The following DNAH17 variants were observed in gnomAD, a reference collection of about 807,000 sequenced individuals.
DNAH17 encodes the protein dynein axonemal heavy chain 17, also known as axonemal beta dynein heavy chain 17.
In DNAH17, 376 loss-of-function variants were observed where a neutral mutation model predicts 485.6. The observed-to-expected ratio is 0.77, with a 90% CI of 0.71 to 0.84. DNAH17 has a LOEUF of 0.84. Ranked by LOEUF, DNAH17 falls within the 40% of genes least tolerant of loss-of-function variation. The pLI, the probability that DNAH17 is intolerant of heterozygous loss-of-function variation, is 0.00. For missense variants in DNAH17, 6,370 were observed against 5,839.3 expected (o/e 1.09, Z -2.96); for synonymous variants, 3,031 against 2,405.9 (o/e 1.26, Z -7.60).
At chr17:78,450,113 C>CCT in intron 68 of DNAH17, 141 bp downstream of exon 68, 1 of 1,010,444 alleles carries the variant, frequency 9.9e-7, no homozygotes, top group Non-Finnish European at 1.4e-6. Context: ...TCTTCCAGCT[C>CCT]CATCTGCAGG....
intron 14 of DNAH17, 141 bp from the exon 15 acceptor site, chr17:78,552,946 C>A (rs543635736): frequency 1.5e-5 from 10 of 656,100 alleles, no homozygotes; most frequent in African/African-American, 1.2e-4. Flanking sequence ...GAATTGTAAT[C>A]CCCAGTGTTG....
chr17:78,569,954 G>A (rs576092679), intron 7 of DNAH17, among the ~76,000 whole-genome samples: 1 of 152,334 alleles, frequency 6.6e-6, no homozygotes, highest in South Asian at 2.1e-4. Context: ...TTTGATGTGC[G>A]ATTAGAGAAG....
chr17:78,455,728 G>C lies in DNAH17; in HGVS notation c.10086C>G (p.Phe3362Leu). The change falls in exon 63 of 81, where the codon TTC becomes TTG. Residue 3362 changes from phenylalanine to leucine, a missense_variant. Transcript: ENST00000389840. ...LCGDVLLISA[F>L]VSYVGYFTKK... is the part of the protein sequence containing the mutation. ...TGGTGAAGTAGCCCACGTAGGACAC[G>C]AAGGCAGAGATGAGCAGGACGTCCC... is the stretch of plus-strand genomic sequence containing the variant. 1 of 1,611,034 alleles carries C rather than the reference G, an allele frequency of 6.2e-7. No individual in the cohort carries two copies. The highest frequency in any genetic ancestry group is 1.1e-5 in the South Asian group (1 of 90,218).
At chr17:78,537,627 A>G (rs1598668024) in intron 18 of DNAH17, 146 bp from the exon 19 acceptor site, 5 of 993,172 alleles carry the variant, frequency 5.0e-6, no homozygotes, top group Non-Finnish European at 7.4e-6. Flanking sequence ...GTCTCAGCGC[A>G]CCCCGCTCCT....
intron 69 of DNAH17, 144 bp from the exon 70 acceptor site, chr17:78,445,824 T>A (rs2087264781): frequency 1.2e-6 from 1 of 859,648 alleles, no homozygotes; most frequent in Non-Finnish European, 1.8e-6. Context: ...GGGGTAAAGT[T>A]TTGTCTTCAC....
At chr17:78,436,234 G>A (rs1253889270) in intron 74 of DNAH17, among the ~76,000 whole-genome samples, 1 of 151,920 alleles carries the variant, frequency 6.6e-6, no homozygotes, top group Non-Finnish European at 1.5e-5. Flanking sequence ...TAAGGCCAGC[G>A]TGGCCAACAT....
chr17:78,543,774 T>A, intron 17 of DNAH17, 83 bp downstream of exon 17: 1 of 1,593,660 alleles, frequency 6.3e-7, no homozygotes, highest in Non-Finnish European at 8.6e-7. Flanking sequence ...ATCATTTTTA[T>A]GAAATCTCCA....
intron 68 of DNAH17, chr17:78,449,875 C>T (rs1036704827): frequency 2.3e-6 from 1 of 430,936 alleles, no homozygotes; most frequent in South Asian, 3.1e-5. Flanking sequence ...AGGGTTTCAC[C>T]ATGTTGGTCA....
intron 76 of DNAH17, among the ~76,000 whole-genome samples, 175 bp downstream of exon 76, chr17:78,428,946 A>T (rs2086578802): frequency 6.9e-6 from 1 of 145,580 alleles, no homozygotes; most frequent in Admixed American, 6.9e-5. Flanking sequence ...AAAAAAAAAA[A>T]GGTTGTTTGT....
chr17:78,490,943 A>AAGG (rs2146670184), intron 43 of DNAH17, 96 bp from the exon 44 acceptor site: 1 of 1,412,528 alleles, frequency 7.1e-7, no homozygotes, highest in East Asian at 2.5e-5. Flanking sequence ...ACCTCCGAGC[A>AAGG]AGGAGGAGGG....
At chr17:78,430,842 A>G (rs147399725) in intron 75 of DNAH17, among the ~76,000 whole-genome samples, 3,070 of 152,014 alleles carry the variant, frequency 0.02, 91 homozygotes, top group African/African-American at 0.069. Context: ...TCAGCCTCCC[A>G]AAGTGCTGGG....
chr17:78,554,208 G>A (rs2091969439), intron 14 of DNAH17, among the ~76,000 whole-genome samples: 1 of 152,022 alleles, frequency 6.6e-6, no homozygotes, highest in South Asian at 2.1e-4. Context: ...GGGAGGCCGA[G>A]GCAGGCAGAT....
At chr17:78,544,257 C>T (rs1568230363) in intron 16 of DNAH17, among the ~76,000 whole-genome samples, 1 of 152,200 alleles carries the variant, frequency 6.6e-6, no homozygotes, top group Non-Finnish European at 1.5e-5. Flanking sequence ...TGAGATGTTT[C>T]ACTCAACTGG....
chr17:78,425,369 TAGGAGCCCTCTCGCGG>T lies in DNAH17; in HGVS notation c.13102_13117del (p.Pro4368ThrfsTer24). 1 of 1,613,976 alleles carries T rather than the reference TAGGAGCCCTCTCGCGG, an allele frequency of 6.2e-7. No homozygotes were observed. The highest frequency in any genetic ancestry group is 8.5e-7 in the Non-Finnish European group (1 of 1,179,878). On this transcript the variant is annotated frameshift_variant, in exon 80 of 81. Coordinates refer to ENST00000389840, the MANE Select transcript of DNAH17 (RefSeq NM_173628.4). LOFTEE classifies it high-confidence loss of function. ...ACCTTCCATGAAGAGTCCGTACACG[TAGGAGCCCTCTCGCGG>T]AGGAGCGGTCATGTCCTCTCGGTTT...
chr17:78,462,754 G>C (rs1339764559), intron 57 of DNAH17, 90 bp downstream of exon 57: 8 of 1,322,364 alleles, frequency 6.0e-6, no homozygotes, highest in Non-Finnish European at 8.5e-6. Flanking sequence ...GCCCCAGTGT[G>C]ACCAGCCCGT....
In DNAH17 at chr17:78,500,432, T is replaced by C; in HGVS notation, c.5513A>G (p.His1838Arg). 6.2e-7 allele frequency: 1 copy of C among 1,604,944 alleles called. No individual in the cohort carries two copies. The highest frequency in any genetic ancestry group is 8.5e-7 in the Non-Finnish European group (1 of 1,177,132). ...GGCAGGGGCTCCACCCATGATGAGA[T>C]GGAGGGACTGGGTCAGGGTGATATA... ...RCYITLTQSL[H>R]LIMGGAPAGP... Residue 1838 changes from histidine (H) to arginine (R), a missense_variant, in exon 36 of 81, where the codon CAT becomes CGT. By Grantham distance (29) the His-to-Arg change is conservative. Transcript: ENST00000389840.
At chr17:78,487,183 C>T (rs927063914) in intron 44 of DNAH17, among the ~76,000 whole-genome samples, 1 of 152,144 alleles carries the variant, frequency 6.6e-6, no homozygotes, top group African/African-American at 2.4e-5. Flanking sequence ...CCTGACTGCC[C>T]AGGCTTGAGT....
Position 78,537,400 on chromosome 17 carries a change from A to G in DNAH17, c.2758T>C (p.Ser920Pro), listed in dbSNP as rs1478528092. ...LTFNPTLEVG[S>P]DRGFLALIEG... ...ATCAGTGCCAGGAAGCCGCGATCTG[A>G]GCCCACCTCCAGGGTCGGGTTGAAG... Residue 920 changes from serine (S) to proline (P), a missense_variant, in exon 19 of 81, where the codon TCA becomes CCA. Transcript: ENST00000389840. 6.2e-7 allele frequency: 1 copy of G among 1,613,304 alleles called. No individual in the cohort carries two copies. Among genetic ancestry groups the G allele is most frequent in the Non-Finnish European group, 8.5e-7 (1 of 1,179,802 alleles).
chr17:78,559,337 A>T (rs141946466), intron 13 of DNAH17, among the ~76,000 whole-genome samples: 2 of 152,190 alleles, frequency 1.3e-5, no homozygotes, highest in African/African-American at 4.8e-5. Flanking sequence ...ACAGCAGCCC[A>T]TCCTCCCCTG....
Sources: gnomAD v4.1 joint callset for allele counts (sites outside exome capture counted in the v4.1 genomes callset) on GRCh38, gnomAD v4.1.1 for gene constraint, MANE v1.5 for transcripts, NCBI Gene and HGNC (gene_info 2026-07-23, HGNC 2026-07-21) for gene names.